PRKG1: variants seen among roughly 807,000 people sequenced by gnomAD.
The protein encoded by PRKG1 is protein kinase cGMP-dependent 1, also known as cGMP-dependent protein kinase 1.
In PRKG1, 35 loss-of-function variants were observed where a neutral mutation model predicts 88.1. That is an observed-to-expected ratio of 0.40 (90% CI 0.30 to 0.53). PRKG1 has a LOEUF of 0.53. Ranked by LOEUF, PRKG1 falls within the 20% of genes least tolerant of loss-of-function variation. The probability of loss-of-function intolerance (pLI) is 0.59; values close to 1 mark genes in which losing one functional copy is unlikely to be tolerated. For missense variants in PRKG1, 540 were observed against 839.8 expected (o/e 0.64, Z 4.41); for synonymous variants, 303 against 292.5 (o/e 1.04, Z -0.37).
intron 5 of PRKG1, among the ~76,000 whole-genome samples, chr10:52,010,148 G>T (rs1844843688): frequency 6.6e-6 from 1 of 152,012 alleles, no homozygotes; most frequent in South Asian, 2.1e-4. Context: ...AAAAGCAATT[G>T]CAAAAAAATC....
chr10:52,048,235 A>G (rs1266116803), intron 5 of PRKG1, among the ~76,000 whole-genome samples: 2 of 151,972 alleles, frequency 1.3e-5, no homozygotes, highest in Non-Finnish European at 2.9e-5. Context: ...ATGATGTCAT[A>G]TTTTATTGAT....
intron 2 of PRKG1, among the ~76,000 whole-genome samples, chr10:51,189,076 T>G (rs1231865611): frequency 1.3e-5 from 2 of 151,728 alleles, no homozygotes; most frequent in Non-Finnish European, 2.9e-5. Flanking sequence ...AGTGCTATCA[T>G]GAGGTGACAA....
At chr10:51,300,349 T>C (rs747277481) in intron 2 of PRKG1, among the ~76,000 whole-genome samples, 2 of 152,178 alleles carry the variant, frequency 1.3e-5, no homozygotes, top group Non-Finnish European at 1.5e-5. Context: ...GGAGTAATAG[T>C]ATATTATAGT....
chr10:51,715,918 C>T (rs12247507), intron 3 of PRKG1, among the ~76,000 whole-genome samples: 17,226 of 152,168 alleles, frequency 0.11, 1,173 homozygotes, highest in African/African-American at 0.19. Flanking sequence ...TGTCATTAGA[C>T]GGGTGGGTCT....
chr10:51,467,932 T>A (rs769094192), intron 3 of PRKG1, 96 bp downstream of exon 3: 1 of 1,014,890 alleles, frequency 9.9e-7, no homozygotes, highest in East Asian at 2.6e-5. Flanking sequence ...ATCTTTATAC[T>A]TTTATTTCTT....
chr10:51,459,921 A>G (rs930194809), intron 2 of PRKG1, among the ~76,000 whole-genome samples: 3 of 152,160 alleles, frequency 2.0e-5, no homozygotes, highest in Non-Finnish European at 2.9e-5. Flanking sequence ...TCTAGGTTGT[A>G]ATTTACATTT....
At chr10:51,698,112 G>T in intron 3 of PRKG1, 1 of 1,614,046 alleles carries the variant, frequency 6.2e-7, no homozygotes, top group Admixed American at 1.7e-5. Flanking sequence ...ATATTAATGG[G>T]ACCAGGACCC....
intron 4 of PRKG1, among the ~76,000 whole-genome samples, chr10:51,826,211 G>T (rs969318986): frequency 1.3e-5 from 2 of 152,008 alleles, no homozygotes; most frequent in African/African-American, 4.8e-5. Context: ...AACAATTTAG[G>T]CTGAATATGA....
intron 5 of PRKG1, among the ~76,000 whole-genome samples, chr10:51,928,849 G>C (rs755851306): frequency 6.6e-6 from 1 of 152,100 alleles, no homozygotes; most frequent in Non-Finnish European, 1.5e-5. Flanking sequence ...CACAGCCTTC[G>C]CAATTATATA....
At chr10:51,423,108 C>T (rs1295092198) in intron 2 of PRKG1, among the ~76,000 whole-genome samples, 1 of 151,928 alleles carries the variant, frequency 6.6e-6, no homozygotes, top group African/African-American at 2.4e-5. Flanking sequence ...CCATTCACAC[C>T]CTGTTCAAGC....
chr10:51,698,603 C>T (rs750598423), intron 3 of PRKG1: 20 of 1,613,738 alleles, frequency 1.2e-5, no homozygotes, highest in East Asian at 6.7e-5. Flanking sequence ...CACGGGTCCG[C>T]GAGGTATAGG....
intron 1 of PRKG1, among the ~76,000 whole-genome samples, chr10:51,125,339 T>G (rs1845368718): frequency 6.6e-6 from 1 of 151,272 alleles, no homozygotes; most frequent in African/African-American, 2.4e-5. Flanking sequence ...AATTAATAAA[T>G]TATAAATTAT....
At chr10:51,128,333 A>G (rs1303282831) in intron 1 of PRKG1, among the ~76,000 whole-genome samples, 1 of 152,194 alleles carries the variant, frequency 6.6e-6, no homozygotes, top group African/African-American at 2.4e-5. Context: ...GTGATTCCAT[A>G]TGCACGGAAT....
At chr10:52,206,616 C>G (rs1185964217) in intron 9 of PRKG1, among the ~76,000 whole-genome samples, 1 of 152,148 alleles carries the variant, frequency 6.6e-6, no homozygotes, top group African/African-American at 2.4e-5. Context: ...CCCTCAAACC[C>G]TGGCATTTAA....
At chr10:52,289,709 C>T (rs1365460396) in intron 16 of PRKG1, among the ~76,000 whole-genome samples, 1 of 151,808 alleles carries the variant, frequency 6.6e-6, no homozygotes, top group Non-Finnish European at 1.5e-5. Flanking sequence ...AAAAACTGTA[C>T]ACAAAATATC....
At chr10:51,960,491 C>T (rs867635953) in intron 5 of PRKG1, among the ~76,000 whole-genome samples, 3 of 151,600 alleles carry the variant, frequency 2.0e-5, no homozygotes, top group Non-Finnish European at 4.4e-5. Context: ...ATATTTTTTC[C>T]TGCCCCCTCC....
intron 2 of PRKG1, among the ~76,000 whole-genome samples, chr10:51,246,905 G>A (rs924688366): frequency 6.6e-6 from 1 of 152,008 alleles, no homozygotes; most frequent in Non-Finnish European, 1.5e-5. Flanking sequence ...ATATCTTCCA[G>A]TTCTTAAACA....
At position 51,545,590 on chromosome 10, in the gene PRKG1, A is replaced by G. The variant is rs552339687; in HGVS notation, c.592+77754A>G. 1.4e-4 allele frequency among the ~76,000 whole-genome samples: 21 copies of G among 152,270 alleles called. No homozygotes were observed. The South Asian group carries it at 4.1e-3, about 30-fold the overall frequency. ...TAACTTACACAGAAGAACAGCAGCA[A>G]AGTAATTCGTTTGAATCCTTTTATT... On this transcript the variant is annotated intron_variant, in intron 3 of 17. Transcript: ENST00000373980.
intron 3 of PRKG1, among the ~76,000 whole-genome samples, chr10:51,682,080 C>G (rs199792702): frequency 6.6e-6 from 1 of 150,738 alleles, no homozygotes; most frequent in African/African-American, 2.4e-5. Context: ...TAGAAATATA[C>G]AAGCCATAAA....
Sources: gnomAD v4.1 joint callset for allele counts (sites outside exome capture counted in the v4.1 genomes callset) on GRCh38, gnomAD v4.1.1 for gene constraint, MANE v1.5 for transcripts, NCBI Gene and HGNC (gene_info 2026-07-23, HGNC 2026-07-21) for gene names.